The following UGT2B10 variants were observed in gnomAD, a reference collection of about 807,000 sequenced individuals.
UGT2B10 encodes UDP glucuronosyltransferase family 2 member B10, also known as UDP-glucuronosyltransferase 2B10.
In UGT2B10, 51 loss-of-function variants were observed where a neutral mutation model predicts 43.7. That is an observed-to-expected ratio of 1.17 (90% confidence interval 0.93 to 1.47). The LOEUF is 1.47. UGT2B10 is among the 40% of genes most tolerant of loss of function. UGT2B10 has a pLI of 0.00. For synonymous variants in UGT2B10, 225 were observed against 209.0 expected, an observed-to-expected ratio of 1.08 and a Z score of -0.66; for missense variants, 696 against 617.7, an observed-to-expected ratio of 1.13 and a Z score of -1.34.
Position 68,830,887 on chromosome 4 carries a change from T to A in UGT2B10, c.*8T>A. 1.9e-6 allele frequency: 3 copies of A among 1,610,290 alleles called. No individual in the cohort carries two copies. The highest frequency in any genetic ancestry group is 2.5e-6 in the Non-Finnish European group (3 of 1,178,256). On this transcript the variant is annotated 3_prime_UTR_variant, in exon 6 of 6. Transcript: ENST00000265403. ...AAGGGAAAAAGGGATTAGTTATATCTGAGATTTGAAGCTGGAAAACCTGAT... is the reference window on the plus strand; with the variant it reads ...AAGGGAAAAAGGGATTAGTTATATCAGAGATTTGAAGCTGGAAAACCTGAT...
At position 68,817,923 on chromosome 4, in the gene UGT2B10, C is replaced by T. The variant is rs547427282; in HGVS notation, c.719-106C>T. On this transcript the variant is annotated intron_variant, in intron 1 of 5. Coordinates refer to ENST00000265403, the MANE Select transcript of UGT2B10 (RefSeq NM_001075.6). ...ATATGTACATATTTTTCAAAGCACA[C>T]AAACTTTACCAACATTTTTGCCTGC... is the stretch of plus-strand genomic sequence containing the variant. 3.4e-4 allele frequency: 472 copies of T among 1,372,766 alleles called. 4 individuals carry two copies. The South Asian group carries it at 6.5e-3, about 19-fold the overall frequency. The allele number at this position is 1,372,766 out of a possible 1,614,324, so 85.0% of individuals were successfully genotyped here.
intron 5 of UGT2B10, among the ~76,000 whole-genome samples, chr4:68,827,823 T>C (rs1342717554): frequency 6.6e-6 from 1 of 151,904 alleles, no homozygotes; most frequent in Non-Finnish European, 1.5e-5. Flanking sequence ...TCTTAAAAAT[T>C]TGACATAATG....
chr4:68,828,406 G>A (rs575498786), intron 5 of UGT2B10, among the ~76,000 whole-genome samples: 2 of 151,340 alleles, frequency 1.3e-5, no homozygotes, highest in African/African-American at 4.9e-5. Context: ...TGTAAGGAGG[G>A]TATCATCTAA....
intron 3 of UGT2B10, among the ~76,000 whole-genome samples, chr4:68,825,385 C>T (rs929340128): frequency 1.5e-4 from 22 of 151,568 alleles, no homozygotes; most frequent in Admixed American, 9.9e-4. Flanking sequence ...AGGTTTTTTA[C>T]ATAGGGAAAC....
chr4:68,831,749 A>G lies in UGT2B10; in HGVS notation c.*870A>G, dbSNP rs75446314. ...TTAACTACCCATTATATGCTTTGTT[A>G]AAGTGTTTATGCCCTGATTCAATGT... On this transcript the variant is annotated 3_prime_UTR_variant, in exon 6 of 6. Coordinates refer to ENST00000265403, the MANE Select transcript of UGT2B10 (RefSeq NM_001075.6). Among the ~76,000 whole-genome samples the G allele has an allele frequency of 0.022, 3,398 of 152,144 alleles. 62 individuals carry two copies. Among genetic ancestry groups the G allele is most frequent in the Middle Eastern group, 0.061 (18 of 294 alleles).
Position 68,827,248 on chromosome 4 carries a change from A to G in UGT2B10, c.1088-81A>G. On this transcript the variant is annotated intron_variant, in intron 4 of 5. Coordinates refer to ENST00000265403, the MANE Select transcript of UGT2B10 (RefSeq NM_001075.6). ...ATTAGTTCAGTGTGTTATCTAGAAA[A>G]CACTGTCACTTTCAGAGCCTTTCAT... 4 of 1,602,466 alleles carry G rather than the reference A, an allele frequency of 2.5e-6. No homozygotes were observed. The East Asian group carries it at 9.0e-5, about 36-fold the overall frequency.
chr4:68,818,907 A>T (rs1737358232), intron 2 of UGT2B10, among the ~76,000 whole-genome samples: 1 of 151,940 alleles, frequency 6.6e-6, no homozygotes, highest in Non-Finnish European at 1.5e-5. Flanking sequence ...TCCTAAAAAG[A>T]GTTCAGAAAT....
intron 5 of UGT2B10, among the ~76,000 whole-genome samples, chr4:68,828,600 A>C (rs1230326387): frequency 6.6e-6 from 1 of 152,008 alleles, no homozygotes. Context: ...CTCAACCTAA[A>C]CAGACTTTTT....
rs1440793335 is a variant in UGT2B10 at position 68,822,131 on chromosome 4, T to A, written c.868-140T>A. ...TTCTTGCAAAGAAACAGTGATTGAG[T>A]CAGTTAAAAAATATTATTTACTCCA... On this transcript the variant is annotated intron_variant, in intron 2 of 5. Coordinates refer to ENST00000265403, the MANE Select transcript of UGT2B10 (RefSeq NM_001075.6). The A allele has an allele frequency of 1.2e-5, 15 of 1,279,188 alleles. No homozygotes were observed. The East Asian group carries it at 3.4e-4, about 29-fold the overall frequency. 79.2% of individuals were successfully genotyped at this position (1,279,188 alleles called of 1,614,324 possible). A position where few individuals can be genotyped will look rare whatever the true frequency, so the allele number is the denominator to read the frequency against.
At chr4:68,817,638 G>A (rs938881651) in intron 1 of UGT2B10, among the ~76,000 whole-genome samples, 3 of 151,648 alleles carry the variant, frequency 2.0e-5, no homozygotes, top group African/African-American at 7.2e-5. Flanking sequence ...TTAGAAAATT[G>A]TTTCTATGGT....
In UGT2B10 at chr4:68,826,445, C is replaced by G. The variant is rs61301802; in HGVS notation, c.1035C>G (p.Ala345=). 13,095 of 1,611,732 alleles carry G rather than the reference C, an allele frequency of 8.1e-3. 270 individuals are homozygous for G. The highest frequency in any genetic ancestry group is 0.057 in the African/African-American group (4,266 of 74,792). The part of the protein sequence containing the change: ...LWRFDGNKPD[A]LGLNTRLYKW... Reference sequence around the variant, plus strand: ...GATTTGATGGGAATAAACCAGATGCCTTAGGTCTCAATACTCGACTGTACA... The same window carrying G: ...GATTTGATGGGAATAAACCAGATGCGTTAGGTCTCAATACTCGACTGTACA... Residue 345 remains alanine (A), a synonymous_variant, in exon 4 of 6, where the codon GCC becomes GCG. Transcript: ENST00000265403.
chr4:68,816,402 A>G lies in UGT2B10; in HGVS notation c.383A>G (p.Asp128Gly). The G allele has an allele frequency of 6.2e-7, 1 of 1,612,802 alleles. No homozygotes were observed. The highest frequency in any genetic ancestry group is 1.1e-5 in the South Asian group (1 of 91,028). The change falls in exon 1 of 6, where the codon GAT (aspartate) becomes GGT (glycine). Residue 128 changes from aspartate (D) to glycine (G), a missense_variant. Transcript: ENST00000265403. ...GACATAATTAGAAACTTCTGTAAAG[A>G]TGTAGTTTCAAATAAGAAACTTATG... ...INDIIRNFCK[D>G]VVSNKKLMKK...
Position 68,827,517 on chromosome 4 carries a change from A to C in UGT2B10, c.1276A>C (p.Asn426His). Residue 426 changes from asparagine (N) to histidine (H), a missense_variant, in exon 5 of 6, where the codon AAT (asparagine) becomes CAT (histidine). Physicochemically the swap from Asn to His is moderately conservative, Grantham distance 68. Transcript: ENST00000265403. ...CACAATGTCGAGTACAGACCTGCTG[A>C]ATGCACTGAAGACAGTAATTAATGA... ...FNTMSSTDLL[N>H]ALKTVINDPS... The C allele has an allele frequency of 6.2e-7, 1 of 1,613,354 alleles. No individual in the cohort carries two copies. Among genetic ancestry groups the C allele is most frequent in the East Asian group, 2.2e-5 (1 of 44,824 alleles).
In UGT2B10 at chr4:68,816,497, G is replaced by C; in HGVS notation, c.478G>C (p.Ala160Pro). The change falls in exon 1 of 6, where the codon GCT becomes CCT. Residue 160 changes from alanine to proline, a missense_variant. By Grantham distance (27) the Ala-to-Pro change is conservative. Coordinates refer to ENST00000265403, the MANE Select transcript of UGT2B10 (RefSeq NM_001075.6). The stretch of plus-strand genomic sequence containing the variant: ...TTATTTACCCTGTGGTGAGCTGCTG[G>C]CTGAGCTATTTAACATACCCTTTGT... ...DAYLPCGELL[A>P]ELFNIPFVYS... The C allele has an allele frequency of 6.2e-7, 1 of 1,613,154 alleles. No individual in the cohort carries two copies. Among genetic ancestry groups the C allele is most frequent in the South Asian group, 1.1e-5 (1 of 91,060 alleles).
At chr4:68,817,383 G>A (rs1385343054) in intron 1 of UGT2B10, among the ~76,000 whole-genome samples, 1 of 151,712 alleles carries the variant, frequency 6.6e-6, no homozygotes, top group African/African-American at 2.4e-5. Context: ...TTGAAACTAT[G>A]TCTCTTTATT....
chr4:68,821,650 C>G (rs1249797547), intron 2 of UGT2B10, among the ~76,000 whole-genome samples: 4 of 152,102 alleles, frequency 2.6e-5, no homozygotes, highest in African/African-American at 2.4e-5. Context: ...GATTCTTAAC[C>G]CCCAGCTTTT....
chr4:68,830,585 A>C lies in UGT2B10; in HGVS notation c.1308-15A>C, dbSNP rs1031200645. ...ACTTACTTTCAGTGTCGGTATCTTT[A>C]TTTTTATCCTTCAGATATAAAGAGA... On this transcript the variant is annotated splice_polypyrimidine_tract_variant and intron_variant, in intron 5 of 5. Coordinates refer to ENST00000265403, the MANE Select transcript of UGT2B10 (RefSeq NM_001075.6). 3 of 1,598,424 alleles carry C rather than the reference A, an allele frequency of 1.9e-6. No homozygotes were observed. In the African/African-American group the frequency reaches 4.1e-5, roughly 22 times the overall value.
chr4:68,825,555 C>T (rs1229317070), intron 3 of UGT2B10, among the ~76,000 whole-genome samples: 1 of 152,042 alleles, frequency 6.6e-6, no homozygotes, highest in Non-Finnish European at 1.5e-5. Flanking sequence ...GTGTTCTCAT[C>T]TTTTAGCTTC....
At chr4:68,826,198 T>G (rs1459089722) in intron 3 of UGT2B10, among the ~76,000 whole-genome samples, 1 of 152,162 alleles carries the variant, frequency 6.6e-6, no homozygotes, top group Non-Finnish European at 1.5e-5. Flanking sequence ...CTTATTTTTC[T>G]AAGGTATTAC....
Sources: gnomAD v4.1 joint callset for allele counts (sites outside exome capture counted in the v4.1 genomes callset) on GRCh38, gnomAD v4.1.1 for gene constraint, MANE v1.5 for transcripts, NCBI Gene and HGNC (gene_info 2026-07-23, HGNC 2026-07-21) for gene names.